CNTN5: variants seen among roughly 807,000 people sequenced by gnomAD.
CNTN5 encodes contactin 5.
A neutral mutation model predicts 129.1 loss-of-function variants in CNTN5; 77 were observed. The ratio of observed to expected loss-of-function variants is 0.60; its 90% CI spans 0.50 to 0.72. The LOEUF (loss-of-function observed/expected upper bound fraction) is 0.72, where lower values mean the gene tolerates loss of function less well. Among genes scored for constraint, CNTN5 ranks in the 30% least tolerant of loss-of-function variants. The probability of loss-of-function intolerance (pLI) is 0.00; values close to 1 mark genes in which losing one functional copy is unlikely to be tolerated. For missense variants in CNTN5, 1,478 were observed against 1,328.8 expected (o/e 1.11, Z -1.75); for synonymous variants, 509 against 465.6 (o/e 1.09, Z -1.20).
chr11:100,115,378 C>G (rs147074968), intron 13 of CNTN5, among the ~76,000 whole-genome samples: 1 of 151,990 alleles, frequency 6.6e-6, no homozygotes, highest in Non-Finnish European at 1.5e-5. Context: ...TATTGAGTGA[C>G]TATTATGCAA....
At chr11:99,953,399 C>G (rs1320356916) in intron 7 of CNTN5, among the ~76,000 whole-genome samples, 1 of 152,122 alleles carries the variant, frequency 6.6e-6, no homozygotes. Context: ...AGACAGCTAA[C>G]CTGGAAATGT....
At chr11:99,378,544 G>A (rs1251136646) in intron 2 of CNTN5, among the ~76,000 whole-genome samples, 1 of 151,920 alleles carries the variant, frequency 6.6e-6, no homozygotes, top group Non-Finnish European at 1.5e-5. Context: ...TCAATGTTGA[G>A]ACTCTATGAT....
chr11:99,940,550 A>G (rs1950411748), intron 7 of CNTN5, among the ~76,000 whole-genome samples: 1 of 152,182 alleles, frequency 6.6e-6, no homozygotes, highest in African/African-American at 2.4e-5. Context: ...TATTACAACG[A>G]CATCAACATT....
At chr11:99,255,161 C>T (rs1862311913) in intron 1 of CNTN5, among the ~76,000 whole-genome samples, 1 of 151,836 alleles carries the variant, frequency 6.6e-6, no homozygotes, top group South Asian at 2.1e-4. Flanking sequence ...TAGAATAGAA[C>T]ATCAAACATT....
chr11:100,172,161 A>T (rs1481294966), intron 13 of CNTN5, among the ~76,000 whole-genome samples: 1 of 152,066 alleles, frequency 6.6e-6, no homozygotes. Context: ...ATATTAAAAC[A>T]AATACTATTA....
intron 3 of CNTN5, among the ~76,000 whole-genome samples, chr11:99,679,410 C>A (rs1375536698): frequency 2.0e-5 from 3 of 151,888 alleles, no homozygotes; most frequent in Non-Finnish European, 2.9e-5. Flanking sequence ...TTCACTCTAC[C>A]TTTATATCAC....
chr11:100,116,856 A>T (rs184769419), intron 13 of CNTN5, among the ~76,000 whole-genome samples: 1 of 152,028 alleles, frequency 6.6e-6, no homozygotes, highest in African/African-American at 2.4e-5. Flanking sequence ...AAGCATTGGT[A>T]TATAGCAAAG....
At chr11:99,310,327 T>A (rs979516505) in intron 1 of CNTN5, among the ~76,000 whole-genome samples, 5 of 152,174 alleles carry the variant, frequency 3.3e-5, no homozygotes, top group African/African-American at 1.2e-4. Context: ...CAAGGAAATG[T>A]TATGAACTAT....
At chr11:99,504,919 G>A (rs1242597186) in intron 2 of CNTN5, among the ~76,000 whole-genome samples, 6 of 152,066 alleles carry the variant, frequency 3.9e-5, no homozygotes, top group Non-Finnish European at 7.4e-5. Context: ...AAGTGAAAAA[G>A]GAAAGGAGAA....
rs951300141 is a variant in CNTN5 at position 99,777,434 on chromosome 11, C to G, written c.56-42110C>G. Among the ~76,000 whole-genome samples the G allele has an allele frequency of 4.0e-5, 6 of 151,818 alleles. No homozygotes were observed. The East Asian group carries it at 9.7e-4, about 25-fold the overall frequency. ...AAAATAAATCACGAATGTATAAATG[C>G]AAAATTAAGAGAGTAAACGATGCTA... On this transcript the variant is annotated intron_variant, in intron 3 of 24. Coordinates refer to ENST00000524871, the MANE Select transcript of CNTN5 (RefSeq NM_014361.4).
rs537056811 is a variant in CNTN5 at position 99,711,468 on chromosome 11, A to G, written c.56-108076A>G. 4.0e-5 allele frequency among the ~76,000 whole-genome samples: 6 copies of G among 151,576 alleles called. No homozygotes were observed. In the South Asian group the frequency reaches 1.2e-3, roughly 31 times the overall value. ...GACTGAATATTTTTTACTCTCTTAT[A>G]CATCGTTTGAAGACACAGTTTTTTT... On this transcript the variant is annotated intron_variant, in intron 3 of 24. Transcript: ENST00000524871.
At chr11:99,982,184 A>G (rs1320659262) in intron 8 of CNTN5, among the ~76,000 whole-genome samples, 2 of 152,212 alleles carry the variant, frequency 1.3e-5, no homozygotes, top group African/African-American at 4.8e-5. Flanking sequence ...TATTTAGAAG[A>G]TAGTCTGAAC....
rs888685173 is a variant in CNTN5, at chr11:100,285,845, C to T, written c.2315-11780C>T. ...ATTTCTGCATTTCCATCTGAGGTACCGGGTTCATCTCACTAGGGAGTGCCA... is the reference window on the plus strand; with the variant it reads ...ATTTCTGCATTTCCATCTGAGGTACTGGGTTCATCTCACTAGGGAGTGCCA... On this transcript the variant is annotated intron_variant, in intron 18 of 24. Coordinates refer to ENST00000524871, the MANE Select transcript of CNTN5 (RefSeq NM_014361.4). 6.6e-5 allele frequency among the ~76,000 whole-genome samples: 10 copies of T among 152,216 alleles called. No homozygotes were observed. In the East Asian group the frequency reaches 7.7e-4, roughly 12 times the overall value.
intron 1 of CNTN5, among the ~76,000 whole-genome samples, chr11:99,277,000 T>C (rs1366060129): frequency 6.6e-6 from 1 of 151,622 alleles, no homozygotes; most frequent in Non-Finnish European, 1.5e-5. Context: ...ACTCTACTCA[T>C]TTATTTCTAT....
intron 2 of CNTN5, among the ~76,000 whole-genome samples, chr11:99,529,808 A>G (rs1170602274): frequency 6.6e-6 from 1 of 152,216 alleles, no homozygotes; most frequent in Non-Finnish European, 1.5e-5. Context: ...GACAATGTGG[A>G]AAACACTGTA....
chr11:99,624,933 C>A (rs1314208096), intron 3 of CNTN5, among the ~76,000 whole-genome samples: 6 of 152,188 alleles, frequency 3.9e-5, no homozygotes, highest in African/African-American at 1.4e-4. Flanking sequence ...CCTGCTAGTG[C>A]TGACACCATG....
chr11:99,770,524 G>A (rs1205380727), intron 3 of CNTN5, among the ~76,000 whole-genome samples: 1 of 151,850 alleles, frequency 6.6e-6, no homozygotes, highest in African/African-American at 2.4e-5. Context: ...AGGTTTTTCT[G>A]TTTTTCTCAA....
intron 2 of CNTN5, among the ~76,000 whole-genome samples, chr11:99,363,393 G>C (rs1222709182): frequency 6.6e-6 from 1 of 152,008 alleles, no homozygotes; most frequent in Non-Finnish European, 1.5e-5. Flanking sequence ...ACTTTTACTA[G>C]GTTATGCTGC....
intron 13 of CNTN5, among the ~76,000 whole-genome samples, chr11:100,188,367 G>A (rs1381112894): frequency 6.6e-6 from 1 of 152,158 alleles, no homozygotes; most frequent in Non-Finnish European, 1.5e-5. Context: ...TCCCCCAGAG[G>A]TTGAGGCTGC....
Sources: gnomAD v4.1 joint callset for allele counts (sites outside exome capture counted in the v4.1 genomes callset) on GRCh38, gnomAD v4.1.1 for gene constraint, MANE v1.5 for transcripts, NCBI Gene and HGNC (gene_info 2026-07-23, HGNC 2026-07-21) for gene names.